The following ROBO1 variants were observed in gnomAD, a reference collection of about 807,000 sequenced individuals.
ROBO1 encodes the protein roundabout guidance receptor 1.
ROBO1 carries 149 observed loss-of-function variants against 195.9 expected under a neutral mutation model. The observed-to-expected ratio is 0.76, with a 90% CI of 0.67 to 0.87. The LOEUF is 0.87. Ranked by LOEUF, ROBO1 falls within the 40% of genes least tolerant of loss-of-function variation. ROBO1 has a pLI of 0.00. For missense variants in ROBO1, 1,933 were observed against 2,068.3 expected (o/e 0.93, Z 1.27); for synonymous variants, 816 against 733.2 (o/e 1.11, Z -1.82).
chr3:79,058,344 A>C (rs536408948), intron 3 of ROBO1, among the ~76,000 whole-genome samples: 10 of 152,022 alleles, frequency 6.6e-5, no homozygotes, highest in South Asian at 4.1e-4. Context: ...TCTACTTTGC[A>C]TAGGAGGTTC....
intron 1 of ROBO1, among the ~76,000 whole-genome samples, chr3:79,728,061 T>C (rs560065887): frequency 6.6e-6 from 1 of 152,264 alleles, no homozygotes; most frequent in East Asian, 1.9e-4. Context: ...TATCTTGTTA[T>C]GTCAGAAGGC....
intron 10 of ROBO1, among the ~76,000 whole-genome samples, chr3:78,673,343 T>C (rs1448027837): frequency 1.3e-5 from 2 of 150,338 alleles, no homozygotes; most frequent in African/African-American, 2.4e-5. Context: ...ATAATAGTGG[T>C]GGAGGTAGTG....
At chr3:78,690,838 C>A (rs2081156974) in intron 8 of ROBO1, among the ~76,000 whole-genome samples, 1 of 152,078 alleles carries the variant, frequency 6.6e-6, no homozygotes, top group African/African-American at 2.4e-5. Flanking sequence ...TTTCCTAAAT[C>A]TCAGAAGCAT....
chr3:79,662,020 A>G (rs1946344217), intron 1 of ROBO1, among the ~76,000 whole-genome samples: 1 of 152,018 alleles, frequency 6.6e-6, no homozygotes, highest in Non-Finnish European at 1.5e-5. Flanking sequence ...TTTAAAATGC[A>G]AAGAGCAGTC....
At chr3:78,667,814 G>C (rs952390149) in intron 14 of ROBO1, 69 bp downstream of exon 14, 39 of 1,461,992 alleles carry the variant, frequency 2.7e-5, no homozygotes, top group Non-Finnish European at 3.1e-5. Flanking sequence ...TAGCACAAGT[G>C]ATTTGTCAGT....
intron 2 of ROBO1, chr3:79,527,903 A>T (rs1941497442): frequency 4.6e-5 from 7 of 152,410 alleles, no homozygotes; most frequent in Admixed American, 4.6e-4. Flanking sequence ...ATGGAGATGT[A>T]GCAGATATTG....
intron 29 of ROBO1, among the ~76,000 whole-genome samples, chr3:78,605,634 C>A (rs1019066443): frequency 3.3e-5 from 5 of 152,174 alleles, no homozygotes; most frequent in African/African-American, 1.2e-4. Flanking sequence ...TTTCTCCTCA[C>A]CTTTAAACCT....
intron 1 of ROBO1, among the ~76,000 whole-genome samples, chr3:79,626,594 C>T (rs368573677): frequency 2.0e-5 from 3 of 152,104 alleles, no homozygotes; most frequent in Non-Finnish European, 4.4e-5. Context: ...CATTATAAGA[C>T]AAGGATGCCC....
At chr3:78,718,328 T>C (rs978056592) in intron 5 of ROBO1, among the ~76,000 whole-genome samples, 20 of 152,220 alleles carry the variant, frequency 1.3e-4, no homozygotes, top group Admixed American at 9.8e-4. Context: ...TAGCATTATA[T>C]GAATTAATTA....
At chr3:79,281,935 C>T (rs2031547411) in intron 2 of ROBO1, among the ~76,000 whole-genome samples, 1 of 152,066 alleles carries the variant, frequency 6.6e-6, no homozygotes, top group Admixed American at 6.6e-5. Flanking sequence ...TTTTTGCAAC[C>T]ATTCATTCGT....
chr3:79,680,952 G>T (rs1487754810), intron 1 of ROBO1, among the ~76,000 whole-genome samples: 1 of 151,894 alleles, frequency 6.6e-6, no homozygotes, highest in Non-Finnish European at 1.5e-5. Context: ...TTGAAGAAGT[G>T]TTTATTGATA....
chr3:79,279,644 T>C (rs567219174), intron 2 of ROBO1, among the ~76,000 whole-genome samples: 1 of 152,168 alleles, frequency 6.6e-6, no homozygotes, highest in South Asian at 2.1e-4. Flanking sequence ...TACTGAAGAG[T>C]CAACTGTACC....
intron 3 of ROBO1, among the ~76,000 whole-genome samples, chr3:79,023,694 GAGTT>G (rs1483792329): frequency 4.1e-5 from 4 of 97,352 alleles, no homozygotes; most frequent in Non-Finnish European, 8.0e-5. Context: ...TTTTGAGACA[GAGTT>G]TTTTTTTTTT....
At chr3:79,649,190 C>T (rs1469133925) in intron 1 of ROBO1, among the ~76,000 whole-genome samples, 1 of 151,900 alleles carries the variant, frequency 6.6e-6, no homozygotes, top group African/African-American at 2.4e-5. Context: ...AATTTGAGAA[C>T]CACTGTAGTT....
chr3:79,143,767 A>G (rs1269847396), intron 2 of ROBO1, among the ~76,000 whole-genome samples: 9 of 152,030 alleles, frequency 5.9e-5, no homozygotes, highest in African/African-American at 2.2e-4. Context: ...CAAACAGGAT[A>G]TTAACATTGA....
At chr3:78,899,604 C>A (rs1290876803) in intron 4 of ROBO1, among the ~76,000 whole-genome samples, 1 of 151,964 alleles carries the variant, frequency 6.6e-6, no homozygotes, top group Non-Finnish European at 1.5e-5. Context: ...TATAAAGTAA[C>A]AGGAAAAATA....
chr3:78,904,966 A>G (rs2107500095), intron 4 of ROBO1, among the ~76,000 whole-genome samples: 1 of 152,100 alleles, frequency 6.6e-6, no homozygotes, highest in Non-Finnish European at 1.5e-5. Context: ...AATAAACCCA[A>G]TTCTATTCTT....
intron 2 of ROBO1, among the ~76,000 whole-genome samples, chr3:79,439,646 T>G (rs1332296450): frequency 1.3e-5 from 2 of 152,092 alleles, no homozygotes; most frequent in Non-Finnish European, 2.9e-5. Flanking sequence ...AATATAAACA[T>G]GATTTAAATG....
At chr3:78,891,450 G>T (rs893829322) in intron 4 of ROBO1, among the ~76,000 whole-genome samples, 21 of 152,240 alleles carry the variant, frequency 1.4e-4, no homozygotes, top group Non-Finnish European at 2.5e-4. Context: ...AAAAAAGAAT[G>T]ATGACACCAT....
Sources: allele counts gnomAD v4.1 joint callset (sites outside exome capture counted in the v4.1 genomes callset), GRCh38; gene constraint gnomAD v4.1.1; transcripts MANE v1.5; gene names NCBI Gene and HGNC (gene_info 2026-07-23, HGNC 2026-07-21).